Variants in CNTN5 observed in about 807,000 individuals in gnomAD.
The protein encoded by CNTN5 is contactin-5.
In CNTN5, 77 loss-of-function variants were observed where a neutral mutation model predicts 129.1. The ratio of observed to expected loss-of-function variants is 0.60; its 90% CI spans 0.50 to 0.72. The LOEUF is 0.72. CNTN5 is among the 30% of genes least tolerant of loss of function. CNTN5 has a pLI of 0.00. For missense variants in CNTN5, 1,478 were observed against 1,328.8 expected (o/e 1.11, Z -1.75); for synonymous variants, 509 against 465.6 (o/e 1.09, Z -1.20).
At chr11:99,108,738 A>G (rs1266805114) in intron 1 of CNTN5, among the ~76,000 whole-genome samples, 4 of 152,074 alleles carry the variant, frequency 2.6e-5, no homozygotes, top group Non-Finnish European at 2.9e-5. Context: ...TAACATTGAC[A>G]ACTTTTATAT....
At chr11:99,730,631 TATA>T (rs1414385345) in intron 3 of CNTN5, among the ~76,000 whole-genome samples, 3 of 152,326 alleles carry the variant, frequency 2.0e-5, no homozygotes, top group Non-Finnish European at 4.4e-5. Flanking sequence ...ATTGTTTAAT[TATA>T]ATCTGTTCTT....
chr11:100,069,740 T>G (rs1233088240), intron 10 of CNTN5, among the ~76,000 whole-genome samples: 1 of 152,194 alleles, frequency 6.6e-6, no homozygotes, highest in Non-Finnish European at 1.5e-5. Context: ...TTTCTTTGAC[T>G]GTTTTAAACA....
At chr11:100,100,782 A>G (rs976261288) in intron 13 of CNTN5, among the ~76,000 whole-genome samples, 5 of 152,128 alleles carry the variant, frequency 3.3e-5, no homozygotes, top group South Asian at 2.1e-4. Context: ...TAGCAGATAT[A>G]CTTATAAGAC....
intron 8 of CNTN5, among the ~76,000 whole-genome samples, chr11:99,967,614 T>C (rs1240744553): frequency 6.6e-6 from 1 of 152,146 alleles, no homozygotes; most frequent in African/African-American, 2.4e-5. Context: ...TGTTTATTAA[T>C]GTCTTGGAGG....
At chr11:99,294,622 T>C (rs1864305167) in intron 1 of CNTN5, among the ~76,000 whole-genome samples, 1 of 152,170 alleles carries the variant, frequency 6.6e-6, no homozygotes, top group African/African-American at 2.4e-5. Context: ...TCCAGTGCAA[T>C]CCCTGTGGAT....
At chr11:99,073,406 G>A (rs200045911) in intron 1 of CNTN5, among the ~76,000 whole-genome samples, 1 of 91,518 alleles carries the variant, frequency 1.1e-5, no homozygotes, top group Non-Finnish European at 2.1e-5. Flanking sequence ...TTTACTTTAA[G>A]TTCTAGGATA....
rs143435609 is a variant in CNTN5, at chr11:99,658,935, C to G, written c.55+102666C>G. On this transcript the variant is annotated intron_variant, in intron 3 of 24. Transcript: ENST00000524871. Reference sequence around the variant, plus strand: ...AAGAAAAATATAATGAGTGCCATTGCCCTGTCTAGAACCCTCTTCCTTTAG... The same window carrying G: ...AAGAAAAATATAATGAGTGCCATTGGCCTGTCTAGAACCCTCTTCCTTTAG... Among the ~76,000 whole-genome samples the G allele has an allele frequency of 2.2e-3, 332 of 150,362 alleles. 1 individual carries two copies. The highest frequency in any genetic ancestry group is 7.4e-3 in the African/African-American group (303 of 41,064).
chr11:99,055,280 G>T (rs528963575), intron 1 of CNTN5, among the ~76,000 whole-genome samples: 1 of 152,048 alleles, frequency 6.6e-6, no homozygotes, highest in East Asian at 1.9e-4. Context: ...TTGTCAGTTT[G>T]TAATATCTGA....
intron 9 of CNTN5, among the ~76,000 whole-genome samples, chr11:100,043,562 T>C (rs1011135080): frequency 6.6e-6 from 1 of 152,188 alleles, no homozygotes; most frequent in Non-Finnish European, 1.5e-5. Flanking sequence ...GTTGCTTTCT[T>C]ATGCCCATCC....
At chr11:99,366,257 C>A (rs1939438082) in intron 2 of CNTN5, among the ~76,000 whole-genome samples, 1 of 150,982 alleles carries the variant, frequency 6.6e-6, no homozygotes. Flanking sequence ...GAAGTGATTT[C>A]CACATGTGGT....
chr11:99,983,838 A>G (rs1938504644), intron 8 of CNTN5, among the ~76,000 whole-genome samples: 1 of 152,218 alleles, frequency 6.6e-6, no homozygotes, highest in African/African-American at 2.4e-5. Context: ...ATCAGAAACA[A>G]AGAAAAACTA....
At chr11:99,748,113 A>G (rs553476700) in intron 3 of CNTN5, among the ~76,000 whole-genome samples, 13 of 152,094 alleles carry the variant, frequency 8.5e-5, no homozygotes, top group Non-Finnish European at 1.8e-4. Flanking sequence ...TGAGTTTGCT[A>G]GTTTTTTTGT....
chr11:100,354,071 C>A (rs1359443464), intron 24 of CNTN5, among the ~76,000 whole-genome samples: 1 of 151,496 alleles, frequency 6.6e-6, no homozygotes, highest in African/African-American at 2.4e-5. Context: ...CTAATTCCTA[C>A]CTCAATTACT....
chr11:99,523,083 T>C (rs1372478424), intron 2 of CNTN5, among the ~76,000 whole-genome samples: 1 of 152,226 alleles, frequency 6.6e-6, no homozygotes. Flanking sequence ...ATCTACATTC[T>C]ATCAAGCTAT....
intron 3 of CNTN5, among the ~76,000 whole-genome samples, chr11:99,691,925 C>A (rs986548450): frequency 6.6e-6 from 1 of 151,992 alleles, no homozygotes; most frequent in African/African-American, 2.4e-5. Context: ...AATCTGGGTG[C>A]TCCTGTATTG....
rs12575856 is a variant in CNTN5, at chr11:99,590,542, G to T, written c.55+34273G>T. Among the ~76,000 whole-genome samples, 806 of 152,284 alleles carry T rather than the reference G, an allele frequency of 5.3e-3. 24 individuals carry two copies. In the East Asian group the frequency reaches 0.099, roughly 19 times the overall value. On this transcript the variant is annotated intron_variant, in intron 3 of 24. Coordinates refer to ENST00000524871, the MANE Select transcript of CNTN5 (RefSeq NM_014361.4). ...ATAATAGAAATATCTGTTATACAAA[G>T]GTCATTGAATGTAAATCTGGAAAAA...
intron 1 of CNTN5, among the ~76,000 whole-genome samples, chr11:99,047,449 T>C (rs1326496379): frequency 6.6e-6 from 1 of 150,698 alleles, no homozygotes; most frequent in Non-Finnish European, 1.5e-5. Context: ...GGCATTTAAA[T>C]TGAAATTATA....
chr11:99,366,985 A>G (rs1336453779), intron 2 of CNTN5, among the ~76,000 whole-genome samples: 1 of 152,172 alleles, frequency 6.6e-6, no homozygotes, highest in Non-Finnish European at 1.5e-5. Context: ...TAAGCTGGGG[A>G]TATTTATATT....
At chr11:100,299,021 A>G (rs539247741) in intron 19 of CNTN5, 141 bp from the exon 20 acceptor site, 64 of 539,544 alleles carry the variant, frequency 1.2e-4, no homozygotes, top group South Asian at 1.8e-4. Flanking sequence ...TGATTGTACT[A>G]TTTTGGCTTC....
Sources: allele counts gnomAD v4.1 joint callset (sites outside exome capture counted in the v4.1 genomes callset), GRCh38; gene constraint gnomAD v4.1.1; transcripts MANE v1.5; gene names NCBI Gene and HGNC (gene_info 2026-07-23, HGNC 2026-07-21).